The following LARGE1 variants were observed in gnomAD, a reference collection of about 807,000 sequenced individuals.
LARGE1 encodes xylosyl- and glucuronyltransferase LARGE1.
In LARGE1, 43 loss-of-function variants were observed where a neutral mutation model predicts 87.6. The ratio of observed to expected loss-of-function variants is 0.49; its 90% CI spans 0.38 to 0.63. The LOEUF is 0.63. LARGE1 is among the 30% of genes least tolerant of loss of function. LARGE1 has a pLI of 0.00. For missense variants in LARGE1, 802 were observed against 1,000.2 expected (o/e 0.80, Z 2.67); for synonymous variants, 434 against 394.6 (o/e 1.10, Z -1.18).
chr22:33,453,411 T>A (rs1214355512), intron 6 of LARGE1, among the ~76,000 whole-genome samples: 1 of 149,020 alleles, frequency 6.7e-6, no homozygotes, highest in Non-Finnish European at 1.5e-5. Flanking sequence ...CGAGACTCCA[T>A]CTCAAAAAAA....
intron 1 of LARGE1, among the ~76,000 whole-genome samples, chr22:33,882,626 C>CA (rs2064730211): frequency 1.3e-5 from 2 of 152,158 alleles, no homozygotes; most frequent in South Asian, 4.1e-4. Context: ...ACTAAGACTA[C>CA]AAATAAGGTA....
chr22:33,834,882 G>C (rs2063070069), intron 1 of LARGE1, among the ~76,000 whole-genome samples: 1 of 152,198 alleles, frequency 6.6e-6, no homozygotes, highest in Non-Finnish European at 1.5e-5. Flanking sequence ...ATCAGGCAGA[G>C]GCAAGTCATG....
intron 3 of LARGE1, among the ~76,000 whole-genome samples, chr22:33,639,946 T>C (rs1035341955): frequency 6.6e-6 from 1 of 152,220 alleles, no homozygotes; most frequent in African/African-American, 2.4e-5. Flanking sequence ...TGAGGGCCCG[T>C]TGTTCCTATC....
chr22:33,779,954 C>T (rs976396175), intron 1 of LARGE1, among the ~76,000 whole-genome samples: 1 of 131,428 alleles, frequency 7.6e-6, no homozygotes, highest in East Asian at 2.4e-4. Flanking sequence ...AATTGGGTGG[C>T]TTAAACAGCA....
intron 4 of LARGE1, among the ~76,000 whole-genome samples, chr22:33,615,151 G>T (rs1180449682): frequency 6.6e-6 from 1 of 152,132 alleles, no homozygotes; most frequent in Non-Finnish European, 1.5e-5. Flanking sequence ...CTGCTAGATG[G>T]AATCTTAGCA....
the LARGE1 span, among the ~76,000 whole-genome samples, chr22:33,103,432 C>CA: frequency 0.35 from 11,917 of 33,838 alleles, 4,368 homozygotes; most frequent in African/African-American, 0.51. Flanking sequence ...GACTCTGTCT[C>CA]AAAAAAAAAA....
intron 6 of LARGE1, among the ~76,000 whole-genome samples, chr22:33,441,017 T>C (rs1405468714): frequency 1.3e-5 from 2 of 152,000 alleles, no homozygotes; most frequent in African/African-American, 4.8e-5. Context: ...AAGTTCCTTT[T>C]TTTGTTTTTT....
chr22:33,906,980 T>G (rs1474090993), intron 1 of LARGE1, among the ~76,000 whole-genome samples: 1 of 151,004 alleles, frequency 6.6e-6, no homozygotes, highest in African/African-American at 2.4e-5. Context: ...TCCAAAGGAG[T>G]TATAGATAAT....
intron 1 of LARGE1, among the ~76,000 whole-genome samples, chr22:33,797,593 C>T (rs554816575): frequency 1.3e-5 from 2 of 152,148 alleles, no homozygotes; most frequent in African/African-American, 2.4e-5. Context: ...CCTAGGAAAC[C>T]GCAGGAGACA....
At chr22:33,087,755 C>T in the LARGE1 span, among the ~76,000 whole-genome samples, 4 of 151,934 alleles carry the variant, frequency 2.6e-5, no homozygotes, top group South Asian at 6.2e-4. Flanking sequence ...GTCAGCAGGG[C>T]GAAACCCCAT....
chr22:33,909,518 T>C (rs1489214195), intron 1 of LARGE1, among the ~76,000 whole-genome samples: 2 of 136,914 alleles, frequency 1.5e-5, no homozygotes, highest in East Asian at 2.0e-4. Flanking sequence ...CAACTTCTTC[T>C]TTTGTTTTTT....
intron 1 of LARGE1, among the ~76,000 whole-genome samples, chr22:33,792,035 T>C (rs2085839991): frequency 6.6e-6 from 1 of 152,206 alleles, no homozygotes; most frequent in African/African-American, 2.4e-5. Flanking sequence ...AGAGCCTAAA[T>C]GCAGAGCCTC....
intron 7 of LARGE1, among the ~76,000 whole-genome samples, chr22:33,394,700 AGCGTGT>A (rs978443499): frequency 7.7e-6 from 1 of 129,552 alleles, no homozygotes; most frequent in African/African-American, 3.4e-5. Context: ...ACCTCCTGGG[AGCGTGT>A]GTGTGTGTGT....
chr22:33,712,598 C>A (rs547084155), intron 2 of LARGE1, among the ~76,000 whole-genome samples: 30 of 150,792 alleles, frequency 2.0e-4, no homozygotes, highest in Non-Finnish European at 3.2e-4. Flanking sequence ...AGGAAACAAA[C>A]AGTAATTAGA....
intron 1 of LARGE1, among the ~76,000 whole-genome samples, chr22:33,870,599 C>T (rs942766802): frequency 1.1e-4 from 17 of 151,992 alleles, no homozygotes; most frequent in African/African-American, 3.6e-4. Flanking sequence ...GAGACCGTCT[C>T]GTTCTGTTGC....
chr22:33,748,265 G>A (rs988507048), intron 2 of LARGE1, among the ~76,000 whole-genome samples: 10 of 151,702 alleles, frequency 6.6e-5, no homozygotes, highest in Admixed American at 3.9e-4. Context: ...CCGAGTAGCT[G>A]GGATTACAGG....
intron 3 of LARGE1, among the ~76,000 whole-genome samples, chr22:33,629,165 AAGATTATAATGC>A (rs2080024602): frequency 6.6e-6 from 1 of 152,206 alleles, no homozygotes; most frequent in Non-Finnish European, 1.5e-5. Flanking sequence ...CTCAGGATGA[AAGATTATAATGC>A]AGATGTAACT....
chr22:33,390,144 C>T (rs1481712753), intron 7 of LARGE1, among the ~76,000 whole-genome samples: 1 of 152,222 alleles, frequency 6.6e-6, no homozygotes, highest in Admixed American at 6.5e-5. Context: ...TCTCAGGCTG[C>T]TTTTCTCTTT....
the LARGE1 span, among the ~76,000 whole-genome samples, chr22:33,131,033 C>CAAAAAAAAAAAAAAAA: frequency 1.4e-5 from 1 of 70,940 alleles, no homozygotes; most frequent in African/African-American, 5.7e-5. Flanking sequence ...GACTCCGTCT[C>CAAAAAAAAAAAAAAAA]AAAAAAAAAA....
Sources: allele counts gnomAD v4.1 joint callset (sites outside exome capture counted in the v4.1 genomes callset), GRCh38; gene constraint gnomAD v4.1.1; transcripts MANE v1.5; gene names NCBI Gene and HGNC (gene_info 2026-07-23, HGNC 2026-07-21).